The following CEP192 variants were observed in gnomAD, a reference collection of about 807,000 sequenced individuals.
CEP192 encodes centrosomal protein of 192 kDa.
CEP192 carries 151 observed loss-of-function variants against 271.8 expected under a neutral mutation model. The observed-to-expected ratio is 0.56, with a 90% CI of 0.49 to 0.64. The LOEUF is 0.64. CEP192 is among the 30% of genes least tolerant of loss of function. The pLI, the probability that CEP192 is intolerant of heterozygous loss-of-function variation, is 0.00. For synonymous variants in CEP192, 995 were observed against 1,076.5 expected (o/e 0.92, Z 1.48); for missense variants, 2,910 against 3,020.5 (o/e 0.96, Z 0.86).
At chr18:13,123,733 G>GT (rs1201404188) in intron 44 of CEP192, among the ~76,000 whole-genome samples, 1 of 152,148 alleles carries the variant, frequency 6.6e-6, no homozygotes, top group African/African-American at 2.4e-5. Flanking sequence ...ATTTTGAGGT[G>GT]TATTTTGAAG....
At position 13,071,321 on chromosome 18, in the gene CEP192, A is replaced by T. The variant is rs557813088; in HGVS notation, c.5348+109A>T. On this transcript the variant is annotated intron_variant, in intron 28 of 44. Transcript: ENST00000506447. Reference sequence around the variant, plus strand: ...GTCATAATAGACACTCTTCAGGCTCAATTGTGCAGAACTGGAAAAACCTAG... The same window carrying T: ...GTCATAATAGACACTCTTCAGGCTCTATTGTGCAGAACTGGAAAAACCTAG... The T allele has an allele frequency of 9.7e-5, 88 of 905,282 alleles. No individual in the cohort carries two copies. In the South Asian group the frequency reaches 1.5e-3, roughly 15 times the overall value. 56.1% of individuals were successfully genotyped at this position (905,282 alleles called of 1,614,324 possible).
chr18:13,078,628 T>G (rs1241935430), intron 30 of CEP192, among the ~76,000 whole-genome samples: 1 of 151,146 alleles, frequency 6.6e-6, no homozygotes, highest in Non-Finnish European at 1.5e-5. Flanking sequence ...CGCCATTCTT[T>G]TGTTGTTGTT....
At position 13,042,223 on chromosome 18, in the gene CEP192, C is replaced by T. The variant is rs766514040; in HGVS notation, c.1956C>T (p.Ser652=). The change falls in exon 15 of 45, where the codon TCC becomes TCT. Residue 652 remains serine, a synonymous_variant. Coordinates refer to ENST00000506447, the MANE Select transcript of CEP192 (RefSeq NM_032142.4). ...DLYSGDLNEQ[S]QAQLSEGSIT... is the part of the protein sequence containing the mutation. Reference sequence around the variant, plus strand: ...CTGCAGGAGATTTAAATGAACAGTCCCAGGCACAGCTAAGTGAAGGATCAA... The same window carrying T: ...CTGCAGGAGATTTAAATGAACAGTCTCAGGCACAGCTAAGTGAAGGATCAA... The T allele has an allele frequency of 6.2e-7, 1 of 1,612,342 alleles. No individual in the cohort carries two copies. The highest frequency in any genetic ancestry group is 2.2e-5 in the East Asian group (1 of 44,846).
intron 40 of CEP192, among the ~76,000 whole-genome samples, chr18:13,108,722 G>A (rs1260577351): frequency 6.6e-6 from 1 of 151,976 alleles, no homozygotes; most frequent in Non-Finnish European, 1.5e-5. Context: ...AAAAAATACA[G>A]AAATTAGCTG....
chr18:13,047,608 T>C (rs2036552537), intron 15 of CEP192, among the ~76,000 whole-genome samples: 2 of 152,234 alleles, frequency 1.3e-5, no homozygotes, highest in Non-Finnish European at 2.9e-5. Flanking sequence ...AGTTTTTGAG[T>C]ATGCTATTCA....
chr18:12,999,699 G>A (rs2033484332), intron 2 of CEP192, 111 bp downstream of exon 2: 1 of 661,546 alleles, frequency 1.5e-6, no homozygotes, highest in Non-Finnish European at 2.3e-6. Context: ...TCTATGAGGG[G>A]GATGGCCAAA....
intron 20 of CEP192, 77 bp from the exon 21 acceptor site, chr18:13,059,005 G>A: frequency 5.5e-6 from 5 of 904,772 alleles, no homozygotes; most frequent in Non-Finnish European, 9.0e-6. Context: ...TTGGGAAAAG[G>A]AATCTTAAAC....
chr18:13,078,243 C>A (rs1258840710), intron 30 of CEP192, among the ~76,000 whole-genome samples: 3 of 152,118 alleles, frequency 2.0e-5, no homozygotes, highest in African/African-American at 7.2e-5. Flanking sequence ...TCATCCATGT[C>A]CCTGCAAAGG....
chr18:13,058,080 TA>T (rs562715084), intron 20 of CEP192: 906 of 144,636 alleles, frequency 6.3e-3, no homozygotes, highest in Non-Finnish European at 6.7e-3. Flanking sequence ...CCATGACTTG[TA>T]AAAAAAAAAA....
At chr18:13,082,432 CTTTTTTTTTTTT>C (rs57663388) in intron 30 of CEP192, among the ~76,000 whole-genome samples, 4 of 49,920 alleles carry the variant, frequency 8.0e-5, no homozygotes, top group African/African-American at 9.7e-5. Context: ...GCAACCCCTG[CTTTTTTTTTTTT>C]TTTTTTTTTT....
Position 12,999,511 on chromosome 18 carries a change from T to C in CEP192, c.87T>C (p.Asn29=), listed in dbSNP as rs760052308. Residue 29 remains asparagine (N), a synonymous_variant, in exon 2 of 45, where the codon AAT becomes AAC. Coordinates refer to ENST00000506447, the MANE Select transcript of CEP192 (RefSeq NM_032142.4). ...TTGGTAACAGTGGGATTTTGGAAAA[T>C]GTCACTCTTTCTTCAAATCTTGGCT... ...SLFGNSGILE[N]VTLSSNLGLP... 7 of 1,551,122 alleles carry C rather than the reference T, an allele frequency of 4.5e-6. No homozygotes were observed. In the East Asian group the frequency reaches 1.7e-4, roughly 38 times the overall value.
chr18:13,054,923 ACTTCATG>A (rs1326683677), intron 18 of CEP192, among the ~76,000 whole-genome samples: 1 of 152,146 alleles, frequency 6.6e-6, no homozygotes, highest in Non-Finnish European at 1.5e-5. Context: ...AGGACTGTTA[ACTTCATG>A]CTTCATAGAG....
chr18:13,016,981 A>T (rs2034684551), intron 6 of CEP192, among the ~76,000 whole-genome samples: 1 of 152,162 alleles, frequency 6.6e-6, no homozygotes, highest in African/African-American at 2.4e-5. Context: ...CTGTCTTCTC[A>T]AAGAGGTTAA....
chr18:13,103,525 C>T lies in CEP192; in HGVS notation c.6888C>T (p.Leu2296=), dbSNP rs573613375. 13 of 1,613,702 alleles carry T rather than the reference C, an allele frequency of 8.1e-6. No individual in the cohort carries two copies. In the South Asian group the frequency reaches 8.8e-5, roughly 11 times the overall value. ...PGETSESCLE[L]ENHGTTDVKW... is the part of the protein sequence containing the mutation. The stretch of plus-strand genomic sequence containing the variant: ...TCCTTTTAGAGAGCTGTCTAGAACT[C>T]GAGAATCATGGCACCACAGACGTGA... The change falls in exon 39 of 45, where the codon CTC becomes CTT. Residue 2296 remains leucine (L), a synonymous_variant. Transcript: ENST00000506447.
intron 4 of CEP192, among the ~76,000 whole-genome samples, chr18:13,009,140 G>A (rs2034178511): frequency 1.3e-5 from 2 of 151,436 alleles, no homozygotes; most frequent in South Asian, 2.1e-4. Context: ...CTGGATGCAT[G>A]CATCGTCACT....
At chr18:13,055,685 A>G (rs981086146) in intron 18 of CEP192, 95 bp from the exon 19 acceptor site, 8 of 847,432 alleles carry the variant, frequency 9.4e-6, no homozygotes, top group Non-Finnish European at 1.4e-5. Context: ...CACCTCATGC[A>G]CATCTCTTTG....
At chr18:13,107,083 T>C (rs1233871231) in intron 40 of CEP192, among the ~76,000 whole-genome samples, 1 of 152,238 alleles carries the variant, frequency 6.6e-6, no homozygotes. Flanking sequence ...TGTGTGTGTG[T>C]GTACATATAT....
chr18:13,049,940 AGG>A, intron 17 of CEP192, 49 bp downstream of exon 17: 1 of 1,445,936 alleles, frequency 6.9e-7, no homozygotes, highest in Admixed American at 2.3e-5. Flanking sequence ...CGTTCAGTAT[AGG>A]AACTGGGAAA....
rs528982802 is a variant in CEP192, at chr18:13,089,613, A to T, written c.6103+48A>T. 10 of 918,942 alleles carry T rather than the reference A, an allele frequency of 1.1e-5. No homozygotes were observed. The East Asian group carries it at 2.4e-4, about 22-fold the overall frequency. The allele number at this position is 918,942 out of a possible 1,614,324, so 56.9% of individuals were successfully genotyped here. On this transcript the variant is annotated intron_variant, in intron 33 of 44. Transcript: ENST00000506447. ...ATGTATTAAATCTTTTGGGTCATTTATAGTATTATCTATGTCCAATGATGT... is the reference window on the plus strand; with the variant it reads ...ATGTATTAAATCTTTTGGGTCATTTTTAGTATTATCTATGTCCAATGATGT...
Sources: gnomAD v4.1 joint callset for allele counts (sites outside exome capture counted in the v4.1 genomes callset) on GRCh38, gnomAD v4.1.1 for gene constraint, MANE v1.5 for transcripts, NCBI Gene and HGNC (gene_info 2026-07-23, HGNC 2026-07-21) for gene names.